ACSM5: variants seen among roughly 807,000 people sequenced by gnomAD.
The protein encoded by ACSM5 is acyl-coenzyme A synthetase ACSM5, mitochondrial.
A neutral mutation model predicts 71.6 loss-of-function variants in ACSM5; 56 were observed. The ratio of observed to expected loss-of-function variants is 0.78; its 90% confidence interval spans 0.63 to 0.98. ACSM5 has a LOEUF of 0.98. Ranked by LOEUF, ACSM5 falls within the 50% of genes least tolerant of loss-of-function variation. ACSM5 has a pLI of 0.00. For synonymous variants in ACSM5, 285 were observed against 281.5 expected (o/e 1.01, Z -0.12); for missense variants, 723 against 726.0 (o/e 1.00, Z 0.05).
At chr16:20,431,951 A>T (rs6497486) in intron 10 of ACSM5, among the ~76,000 whole-genome samples, 58,139 of 140,624 alleles carry the variant, frequency 0.41, 13,407 homozygotes, top group East Asian at 0.68. Context: ...TATCAAAAAA[A>T]AAAAATAATA....
intron 7 of ACSM5, among the ~76,000 whole-genome samples, chr16:20,428,323 C>T (rs1455204077): frequency 3.3e-5 from 5 of 152,302 alleles, no homozygotes; most frequent in South Asian, 4.1e-4. Context: ...CTAACAAGCC[C>T]GCACCGCAGT....
chr16:20,422,726 T>C (rs534929553), intron 5 of ACSM5, among the ~76,000 whole-genome samples: 2 of 152,250 alleles, frequency 1.3e-5, no homozygotes, highest in East Asian at 3.9e-4. Context: ...AGATGACCAG[T>C]GCATTAAGAG....
chr16:20,421,316 TACTTTACCAGC>T lies in ACSM5; in HGVS notation c.683_693del (p.Tyr228TrpfsTer34), dbSNP rs772179837. 6.2e-7 allele frequency: 1 copy of T among 1,610,312 alleles called. No individual in the cohort carries two copies. The highest frequency in any genetic ancestry group is 8.5e-7 in the Non-Finnish European group (1 of 1,177,984). The stretch of plus-strand genomic sequence containing the variant: ...AAAGAGTCGAGACCCGCTGGCCATC[TACTTTACCAGC>T]GGAACCACCGGGGCCCCCAAGATGG... On this transcript the variant is annotated frameshift_variant, in exon 5 of 14. Coordinates refer to ENST00000331849, the MANE Select transcript of ACSM5 (RefSeq NM_017888.3). LOFTEE classifies it high-confidence loss of function.
At chr16:20,411,029 T>C (rs191623933) in intron 1 of ACSM5, among the ~76,000 whole-genome samples, 13 of 152,362 alleles carry the variant, frequency 8.5e-5, no homozygotes, top group Middle Eastern at 3.4e-3. Context: ...AATGTTTTAT[T>C]ATAATAAATC....
chr16:20,433,408 T>C (rs1967138614), intron 10 of ACSM5, among the ~76,000 whole-genome samples: 1 of 152,204 alleles, frequency 6.6e-6, no homozygotes, highest in African/African-American at 2.4e-5. Flanking sequence ...AGGAATGTGC[T>C]TATTTTCCTA....
intron 2 of ACSM5, 42 bp downstream of exon 2, chr16:20,411,730 G>C (rs368637536): frequency 6.3e-7 from 1 of 1,590,332 alleles, no homozygotes; most frequent in Non-Finnish European, 8.6e-7. Context: ...GGGCATCTGA[G>C]GCTGCCCTCA....
intron 8 of ACSM5, among the ~76,000 whole-genome samples, chr16:20,430,063 G>A (rs1241400930): frequency 2.6e-5 from 4 of 151,950 alleles, no homozygotes; most frequent in African/African-American, 9.7e-5. Context: ...TGAGAGGAGG[G>A]GCGTGAAGGT....
At chr16:20,417,826 G>A (rs1966860172) in intron 2 of ACSM5, among the ~76,000 whole-genome samples, 1 of 152,108 alleles carries the variant, frequency 6.6e-6, no homozygotes, top group Non-Finnish European at 1.5e-5. Flanking sequence ...AACTATGGAA[G>A]GATATGCAAA....
At chr16:20,418,449 T>C (rs775781878) in intron 3 of ACSM5, among the ~76,000 whole-genome samples, 180 bp downstream of exon 3, 19 of 152,182 alleles carry the variant, frequency 1.2e-4, no homozygotes, top group Non-Finnish European at 2.8e-4. Flanking sequence ...ATGATGTAAT[T>C]GATAAAAGCA....
At chr16:20,439,492 C>A (rs1351861733) in intron 12 of ACSM5, among the ~76,000 whole-genome samples, 2 of 151,714 alleles carry the variant, frequency 1.3e-5, no homozygotes, top group Non-Finnish European at 2.9e-5. Flanking sequence ...CTCTTTTCTC[C>A]AAAATATTTG....
chr16:20,439,345 A>G (rs1967268687), intron 12 of ACSM5, among the ~76,000 whole-genome samples: 1 of 133,418 alleles, frequency 7.5e-6, no homozygotes, highest in Non-Finnish European at 1.6e-5. Flanking sequence ...GCAAATGTTC[A>G]TCCACGCAGA....
intron 10 of ACSM5, among the ~76,000 whole-genome samples, chr16:20,434,618 C>T (rs1193425395): frequency 7.2e-5 from 11 of 152,264 alleles, no homozygotes; most frequent in African/African-American, 1.9e-4. Flanking sequence ...TGCTTGAACC[C>T]GGGAGGCAGA....
In ACSM5 at chr16:20,421,307, C is replaced by T; in HGVS notation, c.673C>T (p.Leu225=). ...CATGAGGACAAAGAGTCGAGACCCG[C>T]TGGCCATCTACTTTACCAGCGGAAC... ...NCMRTKSRDP[L]AIYFTSGTTG... Residue 225 remains leucine, a synonymous_variant, in exon 5 of 14, where the codon CTG becomes TTG. Coordinates refer to ENST00000331849, the MANE Select transcript of ACSM5 (RefSeq NM_017888.3). 2 of 1,607,850 alleles carry T rather than the reference C, an allele frequency of 1.2e-6. No individual in the cohort carries two copies. The highest frequency in any genetic ancestry group is 1.7e-6 in the Non-Finnish European group (2 of 1,176,612).
chr16:20,436,904 A>G, intron 10 of ACSM5, 148 bp from the exon 11 acceptor site: 1 of 806,704 alleles, frequency 1.2e-6, no homozygotes, highest in South Asian at 1.7e-5. Context: ...CTCCCTGTCC[A>G]TTGGGGAACT....
chr16:20,427,092 G>A (rs1966995461), intron 6 of ACSM5, among the ~76,000 whole-genome samples: 10 of 151,846 alleles, frequency 6.6e-5, no homozygotes, highest in Non-Finnish European at 2.9e-5. Flanking sequence ...CATGAGGTCA[G>A]GAGTTAAAGA....
chr16:20,426,608 C>T (rs553115622), intron 6 of ACSM5, among the ~76,000 whole-genome samples: 5 of 152,298 alleles, frequency 3.3e-5, no homozygotes, highest in Middle Eastern at 3.4e-3. Context: ...TATGATATAA[C>T]GTGGATAACC....
intron 2 of ACSM5, among the ~76,000 whole-genome samples, chr16:20,415,936 A>T (rs1325497373): frequency 2.0e-5 from 3 of 152,198 alleles, no homozygotes; most frequent in Admixed American, 2.0e-4. Flanking sequence ...TCAATACTCG[A>T]GTAAGGAGCA....
chr16:20,434,555 G>T (rs1967158110), intron 10 of ACSM5, among the ~76,000 whole-genome samples: 3 of 152,140 alleles, frequency 2.0e-5, no homozygotes, highest in African/African-American at 4.8e-5. Flanking sequence ...TTAGCTGGGT[G>T]TGGTGGCGGG....
intron 4 of ACSM5, among the ~76,000 whole-genome samples, chr16:20,420,803 G>A (rs1966875094): frequency 6.6e-6 from 1 of 152,180 alleles, no homozygotes; most frequent in Non-Finnish European, 1.5e-5. Context: ...AGTGCAGCCA[G>A]GGATGAGAGC....
Sources: allele counts gnomAD v4.1 joint callset (sites outside exome capture counted in the v4.1 genomes callset), GRCh38; gene constraint gnomAD v4.1.1; transcripts MANE v1.5; gene names NCBI Gene and HGNC (gene_info 2026-07-23, HGNC 2026-07-21).